NLRP5: variants seen among roughly 807,000 people sequenced by gnomAD.
NLRP5 encodes NLR family pyrin domain containing 5.
Under a neutral mutation model 113.1 loss-of-function variants are expected in NLRP5, and 93 were observed. The observed-to-expected ratio is 0.82, with a 90% confidence interval of 0.70 to 0.98. The LOEUF (loss-of-function observed/expected upper bound fraction) is 0.98, where lower values mean the gene tolerates loss of function less well. Ranked by LOEUF, NLRP5 falls within the 50% of genes least tolerant of loss-of-function variation. The probability of loss-of-function intolerance (pLI) is 0.00; values close to 1 mark genes in which losing one functional copy is unlikely to be tolerated. For missense variants in NLRP5, 1,808 were observed against 1,514.3 expected (o/e 1.19, Z -3.22); for synonymous variants, 751 against 600.7 (o/e 1.25, Z -3.66).
the NLRP5 span, among the ~76,000 whole-genome samples, chr19:55,990,901 T>C: frequency 6.6e-6 from 1 of 152,116 alleles, no homozygotes; most frequent in Non-Finnish European, 1.5e-5. Flanking sequence ...GGAGAATCAC[T>C]TGAACCCAGG....
At chr19:56,052,748 A>AT in intron 12 of NLRP5, among the ~76,000 whole-genome samples, 1 of 151,960 alleles carries the variant, frequency 6.6e-6, no homozygotes, top group Non-Finnish European at 1.5e-5. Flanking sequence ...CATCTTCCCC[A>AT]TTTTTCCTAA....
the NLRP5 span, chr19:55,987,763 T>G: frequency 2.2e-6 from 3 of 1,351,852 alleles, no homozygotes; most frequent in Admixed American, 3.4e-5. Flanking sequence ...GGGAAGTCAC[T>G]CATCCTCAGA....
chr19:55,998,516 G>A (rs1226556709), upstream of NLRP5, among the ~76,000 whole-genome samples: 4 of 151,548 alleles, frequency 2.6e-5, no homozygotes, highest in Non-Finnish European at 4.4e-5. Flanking sequence ...AGCCGGGCAT[G>A]GTGACAGGTG....
intron 11 of NLRP5, among the ~76,000 whole-genome samples, chr19:56,045,151 C>T (rs898683710): frequency 6.6e-6 from 1 of 152,220 alleles, no homozygotes; most frequent in African/African-American, 2.4e-5. Flanking sequence ...ATATTGTCAG[C>T]AAACAGTGAC....
At chr19:56,013,596 G>GTTTTTGTTTTTTTTTTTTTTTTTTT (rs1982287313) in intron 3 of NLRP5, among the ~76,000 whole-genome samples, 2 of 59,284 alleles carry the variant, frequency 3.4e-5, no homozygotes, top group Non-Finnish European at 5.8e-5. Context: ...GGACATTTGG[G>GTTTTTGTTTTTTTTTTTTTTTTTTT]TTTTTTTTTT....
In NLRP5 at chr19:56,008,078, G is replaced by A. The variant is rs1419081218; in HGVS notation, c.443-710G>A. On this transcript the variant is annotated intron_variant, in intron 2 of 14. Transcript: ENST00000390649. ...CGAGTAGCTGGGACTACAGGCGCCC[G>A]CCACCACGCCCGGCTAATTTTTTGT... Among the ~76,000 whole-genome samples, 4 of 134,130 alleles carry A rather than the reference G, an allele frequency of 3.0e-5. 1 individual carries two copies. Among genetic ancestry groups the A allele is most frequent in the East Asian group, 2.0e-4 (1 of 4,902 alleles). The allele number at this position is 134,130 out of a possible 152,430, so 88.0% of individuals were successfully genotyped here.
At chr19:56,036,395 G>A (rs1053697561) in intron 9 of NLRP5, among the ~76,000 whole-genome samples, 2 of 152,056 alleles carry the variant, frequency 1.3e-5, no homozygotes, top group East Asian at 1.9e-4. Flanking sequence ...AACGACAGAT[G>A]CTTGATTCTG....
At position 56,058,307 on chromosome 19, in the gene NLRP5, C is replaced by T. The variant is rs185171097; in HGVS notation, c.3367C>T (p.His1123Tyr). Reference sequence around the variant, plus strand: ...CTCCTTGGCCCTTTCCTGCAACCGGCATCTGACCAGTCTAAACCTGGTGCA... The same window carrying T: ...CTCCTTGGCCCTTTCCTGCAACCGGTATCTGACCAGTCTAAACCTGGTGCA... Residue 1123 changes from histidine (H) to tyrosine (Y), a missense_variant, in exon 14 of 15, where the codon CAT becomes TAT. By Grantham distance (83) the His-to-Tyr change is moderately conservative. Coordinates refer to ENST00000390649, the MANE Select transcript of NLRP5 (RefSeq NM_153447.4). 3.0e-5 allele frequency: 49 copies of T among 1,613,884 alleles called. No homozygotes were observed. In the East Asian group the frequency reaches 9.4e-4, roughly 31 times the overall value.
At chr19:56,031,627 C>CAAA (rs36019339) in intron 7 of NLRP5, among the ~76,000 whole-genome samples, 66 of 113,168 alleles carry the variant, frequency 5.8e-4, no homozygotes, top group Non-Finnish European at 5.6e-4. Context: ...ACTCCGTCTC[C>CAAA]AAAAAAAAAA....
At chr19:56,050,952 T>G (rs996995365) in intron 12 of NLRP5, among the ~76,000 whole-genome samples, 1 of 152,224 alleles carries the variant, frequency 6.6e-6, no homozygotes, top group Non-Finnish European at 1.5e-5. Flanking sequence ...CTTCACCCTT[T>G]GTTGAAATGT....
chr19:56,053,047 A>G (rs2123338642), intron 12 of NLRP5, among the ~76,000 whole-genome samples: 1 of 152,162 alleles, frequency 6.6e-6, no homozygotes. Flanking sequence ...CAGTGAGCCG[A>G]TATCGTGCCA....
intron 9 of NLRP5, among the ~76,000 whole-genome samples, chr19:56,036,967 T>C (rs954669622): frequency 5.9e-5 from 9 of 151,560 alleles, no homozygotes; most frequent in African/African-American, 7.3e-5. Flanking sequence ...AAAATAATAA[T>C]AATAAAATAA....
chr19:56,039,984 C>CT (rs1983459903), intron 10 of NLRP5, among the ~76,000 whole-genome samples: 1 of 152,114 alleles, frequency 6.6e-6, no homozygotes, highest in Admixed American at 6.6e-5. Flanking sequence ...GGGGGGTGGT[C>CT]TTGCTCACTG....
chr19:56,044,945 AGTTGTGTTGT>A (rs1376008671), intron 11 of NLRP5, among the ~76,000 whole-genome samples: 2 of 151,962 alleles, frequency 1.3e-5, no homozygotes, highest in African/African-American at 4.8e-5. Flanking sequence ...TATATTCCCA[AGTTGTGTTGT>A]GTTGTGTTGT....
the NLRP5 span, among the ~76,000 whole-genome samples, chr19:55,992,259 C>T: frequency 6.6e-6 from 1 of 152,132 alleles, no homozygotes; most frequent in Non-Finnish European, 1.5e-5. Flanking sequence ...TTTCTTTATC[C>T]AGTCTGTCCT....
intron 4 of NLRP5, 164 bp from the exon 5 acceptor site, chr19:56,019,178 C>T (rs1215274599): frequency 8.5e-6 from 6 of 708,714 alleles, no homozygotes; most frequent in Admixed American, 2.8e-5. Context: ...TGAATTAGTG[C>T]TCATTGTACC....
rs762581580 is a variant in NLRP5, at chr19:56,008,851, C to T, written c.506C>T (p.Pro169Leu). The T allele has an allele frequency of 6.2e-7, 1 of 1,611,866 alleles. No homozygotes were observed. Among genetic ancestry groups the T allele is most frequent in the Non-Finnish European group, 8.5e-7 (1 of 1,178,974 alleles). ...CAAGGACCAAGCAAGGAAAAAGTGC[C>T]AGGTTAGAGGGGTGGAGTTGGGGGA... Residue 169 changes from proline (P) to leucine (L), a missense_variant and splice_region_variant, in exon 3 of 15, where the codon CCA becomes CTA. Transcript: ENST00000390649.
At chr19:56,008,991 GA>G in intron 3 of NLRP5, 138 bp downstream of exon 3, 1 of 748,168 alleles carries the variant, frequency 1.3e-6, no homozygotes, top group East Asian at 2.7e-5. Flanking sequence ...TAGCTGACCG[GA>G]TGGGTTCTGA....
chr19:56,054,739 A>G (rs931372614), intron 13 of NLRP5, among the ~76,000 whole-genome samples: 1 of 152,066 alleles, frequency 6.6e-6, no homozygotes, highest in African/African-American at 2.4e-5. Context: ...TGTCATGGCT[A>G]GAGGGAATGG....
Sources: gnomAD v4.1 joint callset for allele counts (sites outside exome capture counted in the v4.1 genomes callset) on GRCh38, gnomAD v4.1.1 for gene constraint, MANE v1.5 for transcripts, NCBI Gene and HGNC (gene_info 2026-07-23, HGNC 2026-07-21) for gene names.